KMT2E: variants seen among roughly 807,000 people sequenced by gnomAD.
KMT2E encodes histone reader KMT2E.
A neutral mutation model predicts 184.6 loss-of-function variants in KMT2E; 30 were observed. That is an observed-to-expected ratio of 0.16 (90% CI 0.12 to 0.22). The LOEUF is 0.22. KMT2E is among the 10% of genes least tolerant of loss of function. The pLI is 1.00. For synonymous variants in KMT2E, 815 were observed against 776.5 expected (o/e 1.05, Z -0.82); for missense variants, 2,023 against 2,237.4 (o/e 0.90, Z 1.93).
chr7:105,033,479 T>C (rs1397640724), intron 1 of KMT2E, among the ~76,000 whole-genome samples: 1 of 152,092 alleles, frequency 6.6e-6, no homozygotes, highest in Non-Finnish European at 1.5e-5. Flanking sequence ...TTTTTGTTTG[T>C]TTTGCTTTTT....
intron 1 of KMT2E, among the ~76,000 whole-genome samples, chr7:105,029,931 GATTT>G (rs2129564491): frequency 6.6e-6 from 1 of 152,068 alleles, no homozygotes; most frequent in East Asian, 1.9e-4. Flanking sequence ...AAGGAGGAGA[GATTT>G]ATGTGTTAGA....
chr7:105,084,017 G>A (rs181494774), intron 13 of KMT2E, among the ~76,000 whole-genome samples: 61 of 152,136 alleles, frequency 4.0e-4, no homozygotes, highest in African/African-American at 1.4e-3. Context: ...TATATAGCAC[G>A]CATGCACCCA....
At chr7:105,086,272 T>G (rs1041666939) in intron 13 of KMT2E, among the ~76,000 whole-genome samples, 1 of 152,214 alleles carries the variant, frequency 6.6e-6, no homozygotes, top group African/African-American at 2.4e-5. Context: ...GAACATAGTA[T>G]GTACATGTTC....
intron 1 of KMT2E, among the ~76,000 whole-genome samples, chr7:105,015,267 A>G (rs1462401461): frequency 6.6e-6 from 1 of 152,150 alleles, no homozygotes; most frequent in Non-Finnish European, 1.5e-5. Context: ...CACAAATTCT[A>G]TGGCAGCAGA....
chr7:105,024,116 G>A (rs576893050), intron 1 of KMT2E, among the ~76,000 whole-genome samples: 2 of 152,208 alleles, frequency 1.3e-5, no homozygotes, highest in African/African-American at 4.8e-5. Flanking sequence ...TTTCAGACAG[G>A]AGAAGAAAAT....
chr7:105,037,227 G>A (rs973935924), intron 1 of KMT2E, among the ~76,000 whole-genome samples: 9 of 151,962 alleles, frequency 5.9e-5, no homozygotes, highest in African/African-American at 2.2e-4. Flanking sequence ...TATAATAAAT[G>A]GCTCTTTCCT....
Position 105,041,095 on chromosome 7 carries a change from G to A in KMT2E, c.71+72G>A, listed in dbSNP as rs79993319. ...TTCTGGAGCTAGAAAGTAGGAAGAA[G>A]TATAAGTGGAAAATATTAAATTTCT... is the stretch of plus-strand genomic sequence containing the variant. On this transcript the variant is annotated intron_variant, in intron 3 of 26. Coordinates refer to ENST00000311117, the MANE Select transcript of KMT2E (RefSeq NM_182931.3). The A allele has an allele frequency of 3.7e-3, 3,039 of 817,414 alleles. 91 individuals carry two copies. The East Asian group carries it at 0.063, about 17-fold the overall frequency. The allele number at this position is 817,414 out of a possible 1,614,324, so 50.6% of individuals were successfully genotyped here.
chr7:105,101,324 TATC>T (rs1315417896), intron 15 of KMT2E, 98 bp from the exon 16 acceptor site: 1 of 765,902 alleles, frequency 1.3e-6, no homozygotes, highest in Non-Finnish European at 1.9e-6. Flanking sequence ...TTGCTGATAG[TATC>T]ATAGCAATTA....
intron 13 of KMT2E, 129 bp from the exon 14 acceptor site, chr7:105,089,880 C>A: frequency 1.5e-6 from 2 of 1,335,272 alleles, no homozygotes; most frequent in Non-Finnish European, 1.0e-6. Flanking sequence ...ATGTAAATTA[C>A]TAAAAAGGAT....
rs529618196 is a variant in KMT2E, at chr7:105,023,647, A to G, written c.-189+9112A>G. On this transcript the variant is annotated intron_variant, in intron 1 of 26. Transcript: ENST00000311117. Reference sequence around the variant, plus strand: ...TTTTTAGTAGAGATGGGGTTTTACTATGTTAGGCAAGATGGTCTGGATCTC... The same window carrying G: ...TTTTTAGTAGAGATGGGGTTTTACTGTGTTAGGCAAGATGGTCTGGATCTC... 1.2e-3 allele frequency among the ~76,000 whole-genome samples: 180 copies of G among 152,012 alleles called. 1 individual carries two copies. The highest frequency in any genetic ancestry group is 4.2e-3 in the African/African-American group (173 of 41,490).
intron 15 of KMT2E, among the ~76,000 whole-genome samples, chr7:105,099,028 G>T (rs1798540614): frequency 6.6e-6 from 1 of 152,080 alleles, no homozygotes; most frequent in Non-Finnish European, 1.5e-5. Context: ...TCTTTAAATA[G>T]GTACCATATA....
chr7:105,094,333 AACTT>A (rs1798321157), intron 15 of KMT2E, among the ~76,000 whole-genome samples: 1 of 152,230 alleles, frequency 6.6e-6, no homozygotes, highest in African/African-American at 2.4e-5. Context: ...ACTCTTGAGA[AACTT>A]ACGTCAAACT....
At chr7:105,036,018 G>T (rs1046926340) in intron 1 of KMT2E, among the ~76,000 whole-genome samples, 1 of 152,078 alleles carries the variant, frequency 6.6e-6, no homozygotes, top group Non-Finnish European at 1.5e-5. Flanking sequence ...CAGAGGAAAC[G>T]CAATTCAGAT....
intron 12 of KMT2E, among the ~76,000 whole-genome samples, 179 bp from the exon 13 acceptor site, chr7:105,081,509 T>C (rs1797764669): frequency 6.6e-6 from 1 of 151,986 alleles, no homozygotes; most frequent in Non-Finnish European, 1.5e-5. Context: ...CAGTATATGA[T>C]TGAAAAACCT....
intron 15 of KMT2E, among the ~76,000 whole-genome samples, chr7:105,093,773 T>C (rs958207018): frequency 1.2e-4 from 19 of 152,190 alleles, no homozygotes; most frequent in African/African-American, 4.6e-4. Context: ...TTGGAATCCA[T>C]TTTTGGTCCT....
At chr7:105,083,325 T>G (rs978159765) in intron 13 of KMT2E, among the ~76,000 whole-genome samples, 16 of 152,214 alleles carry the variant, frequency 1.1e-4, no homozygotes, top group African/African-American at 3.9e-4. Flanking sequence ...CCATTATCAC[T>G]CCTTGATTTA....
chr7:105,037,071 A>G (rs1795690116), intron 1 of KMT2E, among the ~76,000 whole-genome samples: 1 of 152,178 alleles, frequency 6.6e-6, no homozygotes, highest in Non-Finnish European at 1.5e-5. Context: ...ATGTCTCCTC[A>G]AAATTTCTTT....
In KMT2E at chr7:105,062,959, T is replaced by G. The variant is rs1245574204; in HGVS notation, c.187-392T>G. ...TGATAAATATGTCTTGTTTTATTAT[T>G]CTTTAGGCTCCATATTTCTGAGATG... On this transcript the variant is annotated intron_variant, in intron 4 of 26. Coordinates refer to ENST00000311117, the MANE Select transcript of KMT2E (RefSeq NM_182931.3). Among the ~76,000 whole-genome samples, 3 of 151,664 alleles carry G rather than the reference T, an allele frequency of 2.0e-5. No homozygotes were observed. The East Asian group carries it at 5.8e-4, about 29-fold the overall frequency.
At chr7:105,021,221 A>T (rs562763200) in intron 1 of KMT2E, among the ~76,000 whole-genome samples, 2 of 152,346 alleles carry the variant, frequency 1.3e-5, no homozygotes, top group South Asian at 4.1e-4. Context: ...TCTTACCCAG[A>T]AAATAAGTCT....
Sources: gnomAD v4.1 joint callset for allele counts (sites outside exome capture counted in the v4.1 genomes callset) on GRCh38, gnomAD v4.1.1 for gene constraint, MANE v1.5 for transcripts, NCBI Gene and HGNC (gene_info 2026-07-23, HGNC 2026-07-21) for gene names.